RP1: variants seen among roughly 807,000 people sequenced by gnomAD.
RP1 encodes the protein oxygen-regulated protein 1.
A neutral mutation model predicts 14.8 loss-of-function variants in RP1; 16 were observed. The observed-to-expected ratio is 1.08, with a 90% CI of 0.73 to 1.65. The LOEUF is 1.65. Among genes scored for constraint, RP1 ranks in the 40% most tolerant of loss-of-function variants. RP1 has a pLI of 0.00. For missense variants in RP1, 2,631 were observed against 2,535.0 expected (o/e 1.04, Z -0.81); for synonymous variants, 876 against 883.6 (o/e 0.99, Z 0.15).
Position 54,626,108 on chromosome 8 carries a change from T to C in RP1, c.2226T>C (p.Thr742=). Residue 742 remains threonine, a synonymous_variant, in exon 4 of 4, where the codon ACT becomes ACC. Transcript: ENST00000220676. ...GTGATACTGTAATTGAATCAAATAC[T>C]TTTTGTTCCAAAAGTAATCTCAATT... is the stretch of plus-strand genomic sequence containing the variant. ...QKSDTVIESN[T]FCSKSNLNST... The C allele has an allele frequency of 6.2e-7, 1 of 1,613,378 alleles. No homozygotes were observed. The highest frequency in any genetic ancestry group is 8.5e-7 in the Non-Finnish European group (1 of 1,179,704).
At chr8:54,847,187 G>T (rs1811943872) in intron 25 of RP1, among the ~76,000 whole-genome samples, 1 of 152,020 alleles carries the variant, frequency 6.6e-6, no homozygotes, top group South Asian at 2.1e-4. Context: ...TTTTTCTCCA[G>T]CACTCTTGTA....
chr8:54,774,425 A>G (rs1809985732), downstream of RP1, among the ~76,000 whole-genome samples: 1 of 152,210 alleles, frequency 6.6e-6, no homozygotes, highest in Non-Finnish European at 1.5e-5. Context: ...GGAAAAGAGA[A>G]GTCAACTTGT....
intron 19 of RP1, among the ~76,000 whole-genome samples, chr8:54,744,137 G>A (rs1809165584): frequency 6.6e-6 from 1 of 152,178 alleles, no homozygotes; most frequent in Non-Finnish European, 1.5e-5. Flanking sequence ...GGAATATTGT[G>A]CATTACTGTA....
intron 1 of RP1, among the ~76,000 whole-genome samples, chr8:54,606,206 C>T (rs969657793): frequency 6.6e-6 from 1 of 152,156 alleles, no homozygotes; most frequent in Non-Finnish European, 1.5e-5. Context: ...ATGTTCAGTG[C>T]TTCCTTCAGG....
chr8:54,568,880 G>GT (rs779395483), intron 1 of RP1, among the ~76,000 whole-genome samples: 3 of 152,270 alleles, frequency 2.0e-5, no homozygotes, highest in South Asian at 2.1e-4. Flanking sequence ...TCCACCACTT[G>GT]TTTTTTTGTA....
chr8:54,592,815 C>T (rs931932632), intron 1 of RP1, among the ~76,000 whole-genome samples: 1 of 152,120 alleles, frequency 6.6e-6, no homozygotes, highest in African/African-American at 2.4e-5. Flanking sequence ...CCAGGTATTA[C>T]TTCTGTGTTC....
intron 25 of RP1, among the ~76,000 whole-genome samples, chr8:54,843,221 T>A (rs1160922541): frequency 6.6e-6 from 1 of 152,056 alleles, no homozygotes; most frequent in East Asian, 1.9e-4. Context: ...TTTTTATGTA[T>A]TTATGTATGT....
chr8:54,603,469 C>A lies in RP1; in HGVS notation c.-12-17486C>A, dbSNP rs1333697930. On this transcript the variant is annotated intron_variant, in intron 1 of 22. Coordinates refer to the RP1 transcript ENST00000636932. ...TGTAGTATAGTTTGAAGTCAGGTAGCGTGGTGCCTCCAGCTTTGTTCTTTT... is the reference window on the plus strand; with the variant it reads ...TGTAGTATAGTTTGAAGTCAGGTAGAGTGGTGCCTCCAGCTTTGTTCTTTT... Among the ~76,000 whole-genome samples the A allele has an allele frequency of 2.0e-5, 3 of 152,216 alleles. No individual in the cohort carries two copies. In the East Asian group the frequency reaches 5.8e-4, roughly 29 times the overall value.
In RP1 at chr8:54,628,062, A is replaced by C; in HGVS notation, c.4180A>C (p.Ser1394Arg). ...FNTLVSHQNV[S>R]NLSSCGLCLS... ...TACATTGGTGTCACATCAAAATGTCAGTAATTTAAGCTCCTGTGGCCTTTG... is the reference window on the plus strand; with the variant it reads ...TACATTGGTGTCACATCAAAATGTCCGTAATTTAAGCTCCTGTGGCCTTTG... The change falls in exon 4 of 4, where the codon AGT (serine) becomes CGT (arginine). Residue 1394 changes from serine (S) to arginine (R), a missense_variant. Physicochemically the swap from Ser to Arg is moderately radical, Grantham distance 110. Coordinates refer to ENST00000220676, the MANE Select transcript of RP1 (RefSeq NM_006269.2). 1 of 1,614,066 alleles carries C rather than the reference A, an allele frequency of 6.2e-7. No homozygotes were observed. The highest frequency in any genetic ancestry group is 8.5e-7 in the Non-Finnish European group (1 of 1,179,946).
In RP1 at chr8:54,622,209, A is replaced by G; in HGVS notation, c.708A>G (p.Lys236=). ...PFKPGNYDIQ[K]YLLPARLPGI... ...AACCAGGAAATTATGACATCCAAAAATACTTGCTTCCTGCTAGATTACCAG... is the reference window on the plus strand; with the variant it reads ...AACCAGGAAATTATGACATCCAAAAGTACTTGCTTCCTGCTAGATTACCAG... Residue 236 remains lysine, a synonymous_variant, in exon 3 of 4, where the codon AAA becomes AAG. Transcript: ENST00000220676. 1 of 1,614,210 alleles carries G rather than the reference A, an allele frequency of 6.2e-7. No individual in the cohort carries two copies. The highest frequency in any genetic ancestry group is 8.5e-7 in the Non-Finnish European group (1 of 1,180,026).
At chr8:54,787,239 A>T (rs1810340707) in intron 24 of RP1, among the ~76,000 whole-genome samples, 1 of 152,148 alleles carries the variant, frequency 6.6e-6, no homozygotes, top group Non-Finnish European at 1.5e-5. Flanking sequence ...CAATCAAGGC[A>T]AAATTAAGAG....
At chr8:54,601,966 C>T (rs1422332278) in intron 1 of RP1, among the ~76,000 whole-genome samples, 1 of 152,156 alleles carries the variant, frequency 6.6e-6, no homozygotes, top group Non-Finnish European at 1.5e-5. Context: ...TTCTTTCTTT[C>T]TGAGGTGTTC....
At chr8:54,640,027 T>TGAG (rs1806425586) in intron 3 of RP1, among the ~76,000 whole-genome samples, 1 of 152,130 alleles carries the variant, frequency 6.6e-6, no homozygotes, top group African/African-American at 2.4e-5. Flanking sequence ...CCTGCCTATC[T>TGAG]CAATGACAAG....
In RP1 at chr8:54,601,572, TA is replaced by T. The variant is rs11399535; in HGVS notation, c.-12-19374del. Among the ~76,000 whole-genome samples the T allele has an allele frequency of 1.1e-4, 12 of 110,000 alleles. No homozygotes were observed. The East Asian group carries it at 3.2e-3, about 29-fold the overall frequency. 72.2% of individuals were successfully genotyped at this position (110,000 alleles called of 152,430 possible). A position where few individuals can be genotyped will look rare whatever the true frequency, so the allele number is the denominator to read the frequency against. On this transcript the variant is annotated intron_variant, in intron 1 of 22. Transcript: ENST00000636932. ...ATGTATCCTAAAACTTAAAGTATAA[TA>T]AAAAAAAACAAAATAAAAAACTTAG...
chr8:54,855,852 C>A (rs1812181857), intron 26 of RP1, among the ~76,000 whole-genome samples: 1 of 151,856 alleles, frequency 6.6e-6, no homozygotes, highest in South Asian at 2.1e-4. Flanking sequence ...ATTGATTCAC[C>A]TGTGGAGCAC....
rs1168136821 is a variant in RP1, at chr8:54,571,057, T to C, written c.-13+11737T>C. Among the ~76,000 whole-genome samples the C allele has an allele frequency of 2.6e-5, 4 of 152,304 alleles. No individual in the cohort carries two copies. In the South Asian group the frequency reaches 6.2e-4, roughly 24 times the overall value. ...CTCTTGCTCCTTCTGTTGCCAGCCC[T>C]ACATTCTCCCCCTTCTGCCTGTCTA... is the stretch of plus-strand genomic sequence containing the variant. On this transcript the variant is annotated intron_variant, in intron 1 of 22. Transcript: ENST00000636932.
At chr8:54,769,866 G>A in exon 23 of RP1, 2 of 1,135,456 alleles carry the variant, frequency 1.8e-6, no homozygotes, top group East Asian at 2.6e-5. Flanking sequence ...GGACATCATG[G>A]AACACTATTC....
intron 1 of RP1, among the ~76,000 whole-genome samples, chr8:54,619,489 C>A (rs542894851): frequency 6.6e-6 from 1 of 152,282 alleles, no homozygotes. Context: ...TGATTTCAAA[C>A]AATAGAAAAC....
At chr8:54,658,395 C>CA (rs1217935341) in intron 6 of RP1, among the ~76,000 whole-genome samples, 4 of 150,604 alleles carry the variant, frequency 2.7e-5, no homozygotes, top group Non-Finnish European at 4.4e-5. Context: ...ACTAAAAATA[C>CA]AAAAAAATAG....
Sources: gnomAD v4.1 joint callset for allele counts (sites outside exome capture counted in the v4.1 genomes callset) on GRCh38, gnomAD v4.1.1 for gene constraint, MANE v1.5 for transcripts, NCBI Gene and HGNC (gene_info 2026-07-23, HGNC 2026-07-21) for gene names.